GPR174: variants seen among roughly 807,000 people sequenced by gnomAD.
GPR174 encodes probable G protein-coupled receptor 174.
A neutral mutation model predicts 16.5 loss-of-function variants in GPR174; 8 were observed. The ratio of observed to expected loss-of-function variants is 0.48; its 90% CI spans 0.28 to 0.87. The LOEUF is 0.87. Ranked by LOEUF, GPR174 falls within the 40% of genes least tolerant of loss-of-function variation. The pLI is 0.09. For synonymous variants in GPR174, 111 were observed against 94.8 expected (o/e 1.17, Z -0.99); for missense variants, 214 against 247.5 (o/e 0.86, Z 0.91).
rs143535072 is a variant in GPR174 at position 79,152,753 on chromosome X, T to G, written c.-653-4069T>G. 1.5e-3 allele frequency among the ~76,000 whole-genome samples: 166 copies of G among 111,884 alleles called. No individual in the cohort carries two copies. The South Asian group carries it at 0.03, about 20-fold the overall frequency. On this transcript the variant is annotated intron_variant, in intron 1 of 2. Transcript: ENST00000645147. ...TATAAACCTGAAGAAGGTACTAAGC[T>G]CCCTCATTTTTCAGTTTCTCTATCT...
intron 2 of GPR174, among the ~76,000 whole-genome samples, chrX:79,157,585 T>A (rs1921128837): frequency 8.9e-6 from 1 of 112,060 alleles, no homozygotes; most frequent in African/African-American, 3.2e-5. Flanking sequence ...TTGTAATATG[T>A]GTGTATGTTG....
At chrX:79,158,401 G>A (rs923635691) in intron 2 of GPR174, among the ~76,000 whole-genome samples, 5 of 106,063 alleles carry the variant, frequency 4.7e-5, no homozygotes, top group Admixed American at 2.0e-4. Flanking sequence ...GTTAGGTAGG[G>A]TAGCCTACAC....
chrX:79,161,154 G>A (rs1256634133), intron 2 of GPR174, among the ~76,000 whole-genome samples: 1 of 111,712 alleles, frequency 9.0e-6, no homozygotes, highest in Non-Finnish European at 1.9e-5. Flanking sequence ...ACAAACAATT[G>A]GCTTTCCAAA....
chrX:79,174,974 G>A lies in GPR174; in HGVS notation c.*2965G>A, dbSNP rs1003939541. On this transcript the variant is annotated 3_prime_UTR_variant, in exon 3 of 3. Coordinates refer to ENST00000645147, the MANE Select transcript of GPR174 (RefSeq NM_032553.3). The stretch of plus-strand genomic sequence containing the variant: ...TGAATTTTGATTCAAAAATGCGTAA[G>A]TATTCCAATAAGAAAAACTTTGTAT... 2 of 111,864 alleles carry A rather than the reference G, an allele frequency of 1.8e-5. No individual in the cohort carries two copies. The highest frequency in any genetic ancestry group is 3.2e-5 in the African/African-American group (1 of 30,773). 9.2% of individuals were successfully genotyped at this position (111,864 alleles called of 1,213,427 possible).
At chrX:79,168,536 CA>C (rs1442917081) in intron 2 of GPR174, among the ~76,000 whole-genome samples, 3 of 70,228 alleles carry the variant, frequency 4.3e-5, no homozygotes, top group Non-Finnish European at 9.8e-5. Context: ...CCAATCTCTA[CA>C]AATTTTTTTT....
At chrX:79,169,311 G>T (rs926521935) in intron 2 of GPR174, among the ~76,000 whole-genome samples, 3 of 111,600 alleles carry the variant, frequency 2.7e-5, no homozygotes, top group African/African-American at 9.8e-5. Context: ...TCTTGTGAAA[G>T]GACAATCTCA....
chrX:79,161,692 A>T (rs902188013), intron 2 of GPR174, among the ~76,000 whole-genome samples: 1 of 111,808 alleles, frequency 8.9e-6, no homozygotes, highest in Non-Finnish European at 1.9e-5. Flanking sequence ...CAGCAGGTAA[A>T]TTTAATTTAA....
chrX:79,158,163 T>C (rs1432711615), intron 2 of GPR174, among the ~76,000 whole-genome samples: 7 of 101,320 alleles, frequency 6.9e-5, no homozygotes, highest in Admixed American at 6.2e-4. Flanking sequence ...GCCACCCCAT[T>C]TGTTTTCTTT....
In GPR174 at chrX:79,145,010, CTT is replaced by C. The variant is rs1926466649; in HGVS notation, c.-859_-858del. 2.2e-3 allele frequency: 34 copies of C among 15,698 alleles called. No homozygotes were observed. Among genetic ancestry groups the C allele is most frequent in the Admixed American group, 1.7e-3 (2 of 1,151 alleles). The allele number at this position is 15,698 out of a possible 1,213,427, so 1.3% of individuals were successfully genotyped here. A position where few individuals can be genotyped will look rare whatever the true frequency, so the allele number is the denominator to read the frequency against. ...TCTTTCTTTCTCTCTCTCTCTCTTTCTTTCTTTCTTTCTTTCTTTCTTTCTTT... is the reference window on the plus strand; with the variant it reads ...TCTTTCTTTCTCTCTCTCTCTCTTTCTCTTTCTTTCTTTCTTTCTTTCTTT... On this transcript the variant is annotated 5_prime_UTR_variant, in exon 1 of 3. Transcript: ENST00000645147.
rs1279724509 is a variant in GPR174, at chrX:79,144,960, TTC to T, written c.-909_-908del. The T allele has an allele frequency of 9.6e-6, 1 of 104,466 alleles. No homozygotes were observed. The allele number at this position is 104,466 out of a possible 1,213,427, so 8.6% of individuals were successfully genotyped here. On this transcript the variant is annotated 5_prime_UTR_variant, in exon 1 of 3. Transcript: ENST00000645147. ...CTTTTCTTTCTTTCTTTTTCTTTCT[TTC>T]TTTCTCTTTCTTTCTTTTTCTTTCT...
chrX:79,151,689 G>A (rs1277819814), intron 1 of GPR174, among the ~76,000 whole-genome samples: 1 of 111,318 alleles, frequency 9.0e-6, no homozygotes, highest in Non-Finnish European at 1.9e-5. Flanking sequence ...AAAAGGAGGC[G>A]GGGAATAGGG....
chrX:79,171,227 C>G lies in GPR174; in HGVS notation c.220C>G (p.Leu74Val). ...CTTACTACAAGTTCTTTCCTTGCCA[C>G]TGAGGATCTTCTACTACTTGAATCA... ...ADLLQVLSLP[L>V]RIFYYLNHDW... The change falls in exon 3 of 3, where the codon CTG (leucine) becomes GTG (valine). Residue 74 changes from leucine (L) to valine (V), a missense_variant. Coordinates refer to ENST00000645147, the MANE Select transcript of GPR174 (RefSeq NM_032553.3). The G allele has an allele frequency of 8.3e-7, 1 of 1,210,406 alleles. No individual in the cohort carries two copies. The highest frequency in any genetic ancestry group is 1.7e-5 in the African/African-American group (1 of 57,843).
chrX:79,167,421 C>T (rs925550702), intron 2 of GPR174, among the ~76,000 whole-genome samples: 1 of 110,978 alleles, frequency 9.0e-6, no homozygotes, highest in African/African-American at 3.3e-5. Context: ...AAAAATAGAC[C>T]CTGAGAGGTA....
At chrX:79,169,461 A>G (rs146110200) in intron 2 of GPR174, among the ~76,000 whole-genome samples, 6 of 111,992 alleles carry the variant, frequency 5.4e-5, no homozygotes, top group African/African-American at 1.9e-4. Context: ...CAAGCCTTTT[A>G]AGTAAAGTGA....
At position 79,173,599 on chromosome X, in the gene GPR174, G is replaced by A. The variant is rs1476590860; in HGVS notation, c.*1590G>A. 8.9e-6 allele frequency: 1 copy of A among 111,852 alleles called. No individual in the cohort carries two copies. The highest frequency in any genetic ancestry group is 3.2e-5 in the African/African-American group (1 of 30,820). 9.2% of individuals were successfully genotyped at this position (111,852 alleles called of 1,213,427 possible). ...CAGTTATGATACTAATACATTAGGG[G>A]AAAACTGGTGACATCAAAATGAATT... On this transcript the variant is annotated 3_prime_UTR_variant, in exon 3 of 3. Transcript: ENST00000645147.
intron 1 of GPR174, among the ~76,000 whole-genome samples, chrX:79,148,487 G>A (rs1024410015): frequency 9.0e-6 from 1 of 111,390 alleles, no homozygotes; most frequent in African/African-American, 3.3e-5. Flanking sequence ...TTTCTTATAA[G>A]CTAATCACAT....
intron 2 of GPR174, among the ~76,000 whole-genome samples, chrX:79,160,798 G>A (rs1428458797): frequency 8.9e-6 from 1 of 111,902 alleles, no homozygotes; most frequent in African/African-American, 3.2e-5. Flanking sequence ...ATAGAAGGCA[G>A]TGAAGAGAGA....
intron 2 of GPR174, among the ~76,000 whole-genome samples, chrX:79,159,568 G>A (rs1453250970): frequency 9.0e-6 from 1 of 111,317 alleles, no homozygotes. Context: ...ACTTAACAGA[G>A]GAGGCAACTG....
rs564637821 is a variant in GPR174, at chrX:79,153,536, T to TA, written c.-653-3285dup. On this transcript the variant is annotated intron_variant, in intron 1 of 2. Coordinates refer to ENST00000645147, the MANE Select transcript of GPR174 (RefSeq NM_032553.3). ...GTTTCTATATGGGGTAGAGTAGAGT[T>TA]AGAGAGAGAGATGGGGAACGGACAG... 4.1e-3 allele frequency among the ~76,000 whole-genome samples: 460 copies of TA among 111,351 alleles called. 5 individuals are homozygous for TA. In the South Asian group the frequency reaches 0.098, roughly 24 times the overall value.
Sources: allele counts gnomAD v4.1 joint callset (sites outside exome capture counted in the v4.1 genomes callset), GRCh38; gene constraint gnomAD v4.1.1; transcripts MANE v1.5; gene names NCBI Gene and HGNC (gene_info 2026-07-23, HGNC 2026-07-21).